Variants in HNRNPUL1 observed in about 807,000 individuals in gnomAD.
HNRNPUL1 encodes heterogeneous nuclear ribonucleoprotein U like 1, also known as heterogeneous nuclear ribonucleoprotein U-like protein 1.
Under a neutral mutation model 108.5 loss-of-function variants are expected in HNRNPUL1, and 14 were observed. The ratio of observed to expected loss-of-function variants is 0.13; its 90% CI spans 0.09 to 0.20. The LOEUF (loss-of-function observed/expected upper bound fraction) is 0.20, where lower values mean the gene tolerates loss of function less well. HNRNPUL1 is among the 10% of genes least tolerant of loss of function. The pLI is 1.00. For missense variants in HNRNPUL1, 804 were observed against 1,168.3 expected, an observed-to-expected ratio of 0.69 and a Z score of 4.55; for synonymous variants, 422 against 445.2, an observed-to-expected ratio of 0.95 and a Z score of 0.66.
chr19:41,279,264 C>A, intron 6 of HNRNPUL1, 88 bp downstream of exon 6: 1 of 898,138 alleles, frequency 1.1e-6, no homozygotes, highest in Non-Finnish European at 1.8e-6. Flanking sequence ...CCTTTTCCAG[C>A]GTCAGACTTA....
intron 10 of HNRNPUL1, among the ~76,000 whole-genome samples, chr19:41,296,024 G>A (rs915588648): frequency 5.9e-5 from 9 of 152,176 alleles, no homozygotes; most frequent in African/African-American, 2.2e-4. Context: ...TTTTTAGTCT[G>A]TATTGACCCC....
chr19:41,306,980 A>G lies in HNRNPUL1; in HGVS notation c.*415A>G, dbSNP rs1477255015. On this transcript the variant is annotated 3_prime_UTR_variant, in exon 15 of 15. Coordinates refer to ENST00000392006, the MANE Select transcript of HNRNPUL1 (RefSeq NM_007040.6). ...CAGACCCTCATGCAGTTGGTTGTAA[A>G]TTCTCCCAGGAGCTGTTTTACTGTC... 1 of 158,310 alleles carries G rather than the reference A, an allele frequency of 6.3e-6. No homozygotes were observed. Among genetic ancestry groups the G allele is most frequent in the Non-Finnish European group, 1.4e-5 (1 of 72,268 alleles). 9.8% of individuals were successfully genotyped at this position (158,310 alleles called of 1,614,324 possible).
Position 41,272,209 on chromosome 19 carries a change from G to A in HNRNPUL1, c.546G>A (p.Gly182=), listed in dbSNP as rs762094204. 2.5e-6 allele frequency: 4 copies of A among 1,613,756 alleles called. No individual in the cohort carries two copies. The highest frequency in any genetic ancestry group is 4.5e-5 in the East Asian group (2 of 44,884). Residue 182 remains glycine, a synonymous_variant, in exon 3 of 15, where the codon GGG becomes GGA. Transcript: ENST00000392006. ...KRPYEENRGR[G]YFEHREDRRG... The stretch of plus-strand genomic sequence containing the variant: ...CTTATGAAGAAAACCGGGGACGGGG[G>A]TACTTTGAGCACCGAGAGGATAGGA...
Position 41,284,770 on chromosome 19 carries a change from G to A in HNRNPUL1, c.999+3495G>A, listed in dbSNP as rs565551157. Among the ~76,000 whole-genome samples the A allele has an allele frequency of 2.0e-5, 3 of 152,246 alleles. No individual in the cohort carries two copies. The East Asian group carries it at 5.8e-4, about 29-fold the overall frequency. On this transcript the variant is annotated intron_variant, in intron 7 of 14. Coordinates refer to ENST00000392006, the MANE Select transcript of HNRNPUL1 (RefSeq NM_007040.6). Reference sequence around the variant, plus strand: ...CCCAGCACTTTGGGCGGCCAAGGAGGGCAGATCACGAGGTCAGGAGATCAA... The same window carrying A: ...CCCAGCACTTTGGGCGGCCAAGGAGAGCAGATCACGAGGTCAGGAGATCAA...
intron 13 of HNRNPUL1, 122 bp from the exon 14 acceptor site, chr19:41,305,554 A>T: frequency 8.4e-7 from 1 of 1,186,552 alleles, no homozygotes; most frequent in Non-Finnish European, 1.2e-6. Flanking sequence ...AATGTCCACT[A>T]GGCAAGGGAA....
intron 10 of HNRNPUL1, among the ~76,000 whole-genome samples, chr19:41,299,126 C>T (rs751103747): frequency 5.9e-5 from 9 of 152,182 alleles, no homozygotes; most frequent in South Asian, 2.1e-4. Context: ...AACTTTTCCT[C>T]TGTAACATGA....
chr19:41,274,140 G>T (rs2035407875), intron 4 of HNRNPUL1, 85 bp downstream of exon 4: 4 of 1,090,736 alleles, frequency 3.7e-6, no homozygotes, highest in Non-Finnish European at 5.7e-6. Context: ...AATCCCTGCT[G>T]GGCACCGTCC....
In HNRNPUL1 at chr19:41,294,293, G is replaced by A. The variant is rs1460776644; in HGVS notation, c.1267-45G>A. 1.4e-5 allele frequency: 22 copies of A among 1,607,796 alleles called. No individual in the cohort carries two copies. Among genetic ancestry groups the A allele is most frequent in the Non-Finnish European group, 1.8e-5 (21 of 1,176,248 alleles). On this transcript the variant is annotated intron_variant, in intron 8 of 14. Transcript: ENST00000392006. The surrounding 1 kb of genome is among the most constrained non-coding windows in gnomAD (Gnocchi z 4.3). ...CACAGTCACCACCGAGCCAAGTGGT[G>A]CCATACCACCATGCCGCAACACCTT...
At chr19:41,299,424 T>C (rs1568456607) in intron 10 of HNRNPUL1, among the ~76,000 whole-genome samples, 1 of 152,256 alleles carries the variant, frequency 6.6e-6, no homozygotes, top group Non-Finnish European at 1.5e-5. Context: ...ACCCTGTTCC[T>C]ATGTCTTAGA....
intron 7 of HNRNPUL1, among the ~76,000 whole-genome samples, chr19:41,284,076 T>C (rs961794171): frequency 6.6e-6 from 1 of 152,226 alleles, no homozygotes; most frequent in Non-Finnish European, 1.5e-5. Context: ...TTCTTGTGTA[T>C]TTTTTAATCA....
At position 41,266,569 on chromosome 19, in the gene HNRNPUL1, C is replaced by T. The variant is rs752668226; in HGVS notation, c.296-1654C>T. 1.5e-4 allele frequency among the ~76,000 whole-genome samples: 23 copies of T among 152,118 alleles called. No individual in the cohort carries two copies. In the East Asian group the frequency reaches 1.7e-3, roughly 12 times the overall value. ...CCTCCTGAAGTGCTGGGATTACAGG[C>T]GTGAATCACTGCACCAGGCCTCAGG... On this transcript the variant is annotated intron_variant, in intron 1 of 14. Coordinates refer to ENST00000392006, the MANE Select transcript of HNRNPUL1 (RefSeq NM_007040.6).
intron 10 of HNRNPUL1, among the ~76,000 whole-genome samples, chr19:41,301,097 T>C (rs1417669843): frequency 1.3e-5 from 2 of 152,188 alleles, no homozygotes; most frequent in Non-Finnish European, 2.9e-5. Flanking sequence ...CACATAGATA[T>C]TTCTAAAAGT....
intron 7 of HNRNPUL1, among the ~76,000 whole-genome samples, chr19:41,285,013 A>AAT (rs1486359907): frequency 6.6e-6 from 1 of 151,506 alleles, no homozygotes; most frequent in African/African-American, 2.4e-5. Context: ...AAAAAAAAAA[A>AAT]GGGCATACCT....
Position 41,292,773 on chromosome 19 carries a change from G to GGAAAAGGAGGCTTTTCTTACAGCA in HNRNPUL1, c.1266+271_1266+294dup, listed in dbSNP as rs2036664905. On this transcript the variant is annotated intron_variant, in intron 8 of 14. Coordinates refer to ENST00000392006, the MANE Select transcript of HNRNPUL1 (RefSeq NM_007040.6). This position sits in a 1 kb window ranked among gnomAD's most constrained non-coding sequence, Gnocchi z 4.1. ...TCTTCTTAAGTGAGGCCAGAATAGG[G>GGAAAAGGAGGCTTTTCTTACAGCA]GAAAAGGAGGCTTTTCTTACAGCAG... Among the ~76,000 whole-genome samples the GGAAAAGGAGGCTTTTCTTACAGCA allele has an allele frequency of 6.6e-6, 1 of 152,144 alleles. No individual in the cohort carries two copies. Among genetic ancestry groups the GGAAAAGGAGGCTTTTCTTACAGCA allele is most frequent in the African/African-American group, 2.4e-5 (1 of 41,434 alleles).
intron 11 of HNRNPUL1, chr19:41,302,464 C>T (rs1489092544): frequency 3.0e-6 from 2 of 670,854 alleles, no homozygotes; most frequent in African/African-American, 1.8e-5. Flanking sequence ...GGTGATCCAC[C>T]CGCCTCGGCC....
At chr19:41,299,722 C>T (rs943030353) in intron 10 of HNRNPUL1, among the ~76,000 whole-genome samples, 6 of 152,064 alleles carry the variant, frequency 3.9e-5, no homozygotes, top group South Asian at 2.1e-4. Flanking sequence ...AAGGGCACAG[C>T]GGGGATTTCA....
rs1231544065 is a variant in HNRNPUL1 at position 41,292,741 on chromosome 19, T to G, written c.1266+230T>G. On this transcript the variant is annotated intron_variant, in intron 8 of 14. Coordinates refer to ENST00000392006, the MANE Select transcript of HNRNPUL1 (RefSeq NM_007040.6). This position sits in a 1 kb window ranked among gnomAD's most constrained non-coding sequence, Gnocchi z 4.1. ...GAGGCTACCTAAATCTCAGAAAGAT[T>G]GCATCTTCTTCTTAAGTGAGGCCAG... Among the ~76,000 whole-genome samples the G allele has an allele frequency of 6.6e-6, 1 of 152,076 alleles. No homozygotes were observed. The highest frequency in any genetic ancestry group is 1.5e-5 in the Non-Finnish European group (1 of 68,008).
At chr19:41,281,401 C>T in intron 7 of HNRNPUL1, 126 bp downstream of exon 7, 1 of 637,406 alleles carries the variant, frequency 1.6e-6, no homozygotes, top group Non-Finnish European at 2.8e-6. Flanking sequence ...TTTGTCTCTG[C>T]TTGACAGACT....
chr19:41,292,310 T>C lies in HNRNPUL1; in HGVS notation c.1065T>C (p.Ala355=). ...AGAATGGAAAGTGGATGGGCATTGCTTTCCGAATCCAGAAGGAAGCCTTGG... is the reference window on the plus strand; with the variant it reads ...AGAATGGAAAGTGGATGGGCATTGCCTTCCGAATCCAGAAGGAAGCCTTGG... The part of the protein sequence containing the change: ...FTKNGKWMGI[A]FRIQKEALGG... Residue 355 remains alanine, a synonymous_variant, in exon 8 of 15, where the codon GCT becomes GCC. Transcript: ENST00000392006. The surrounding 1 kb of genome is among the most constrained non-coding windows in gnomAD (Gnocchi z 4.1). 1 of 1,614,224 alleles carries C rather than the reference T, an allele frequency of 6.2e-7. No homozygotes were observed.
Sources: allele counts gnomAD v4.1 joint callset (sites outside exome capture counted in the v4.1 genomes callset), GRCh38; gene constraint gnomAD v4.1.1; non-coding constraint Gnocchi (gnomAD v3.1); transcripts MANE v1.5; gene names NCBI Gene and HGNC (gene_info 2026-07-23, HGNC 2026-07-21).